ZNF365: variants seen among roughly 807,000 people sequenced by gnomAD.
ZNF365 encodes the protein zinc finger protein 365, also known as protein ZNF365.
ZNF365 carries 22 observed loss-of-function variants against 35.0 expected under a neutral mutation model. The ratio of observed to expected loss-of-function variants is 0.63; its 90% CI spans 0.45 to 0.90. The LOEUF is 0.90. Ranked by LOEUF, ZNF365 falls within the 40% of genes least tolerant of loss-of-function variation. ZNF365 has a pLI of 0.00. For synonymous variants in ZNF365, 188 were observed against 196.2 expected, an observed-to-expected ratio of 0.96 and a Z score of 0.35; for missense variants, 448 against 500.3, an observed-to-expected ratio of 0.90 and a Z score of 1.00.
At chr10:62,429,036 C>A (rs189129466) in intron 3 of ZNF365, among the ~76,000 whole-genome samples, 2 of 152,292 alleles carry the variant, frequency 1.3e-5, no homozygotes, top group Admixed American at 1.3e-4. Context: ...CTGGCTCTAG[C>A]ACACCTCTGA....
intron 4 of ZNF365, among the ~76,000 whole-genome samples, chr10:62,462,541 A>G (rs1250879141): frequency 6.6e-6 from 1 of 152,232 alleles, no homozygotes; most frequent in Admixed American, 6.5e-5. Flanking sequence ...ATGAGATCTA[A>G]GTGGGCCATG....
intron 3 of ZNF365, among the ~76,000 whole-genome samples, chr10:62,413,178 A>T (rs1292600865): frequency 6.6e-6 from 1 of 152,130 alleles, no homozygotes; most frequent in Non-Finnish European, 1.5e-5. Flanking sequence ...TCTGATATAC[A>T]CCAAAGTCGT....
At chr10:62,476,372 G>A (rs182178313) in intron 4 of ZNF365, among the ~76,000 whole-genome samples, 1 of 152,106 alleles carries the variant, frequency 6.6e-6, no homozygotes, top group African/African-American at 2.4e-5. Context: ...TTCCTCCCAG[G>A]TATTAAAAAA....
At chr10:62,450,143 T>G (rs1369658471) in intron 3 of ZNF365, among the ~76,000 whole-genome samples, 1 of 152,126 alleles carries the variant, frequency 6.6e-6, no homozygotes, top group Non-Finnish European at 1.5e-5. Flanking sequence ...GTGGTGATTG[T>G]CTTGTATGAC....
At chr10:62,475,236 C>T (rs1042321495) in intron 4 of ZNF365, among the ~76,000 whole-genome samples, 4 of 152,252 alleles carry the variant, frequency 2.6e-5, no homozygotes, top group South Asian at 2.1e-4. Context: ...GAACAGAAGC[C>T]TTGTAATTGG....
At chr10:62,434,961 C>G (rs865992467) in intron 3 of ZNF365, among the ~76,000 whole-genome samples, 3 of 152,152 alleles carry the variant, frequency 2.0e-5, no homozygotes, top group African/African-American at 7.2e-5. Flanking sequence ...GTTTCAGACC[C>G]TCTGGATACA....
chr10:62,459,905 T>C, intron 4 of ZNF365: 1 of 957,364 alleles, frequency 1.0e-6, no homozygotes, highest in South Asian at 1.5e-5. Context: ...CATTGGTTTC[T>C]GTATGAAAAC....
At chr10:62,454,799 C>T (rs1437842049) in intron 3 of ZNF365, among the ~76,000 whole-genome samples, 1 of 152,188 alleles carries the variant, frequency 6.6e-6, no homozygotes, top group Non-Finnish European at 1.5e-5. Flanking sequence ...ATGCCACACC[C>T]TCAAGGAGCG....
At chr10:62,418,316 G>A (rs2132445469) in intron 3 of ZNF365, among the ~76,000 whole-genome samples, 1 of 151,972 alleles carries the variant, frequency 6.6e-6, no homozygotes, top group South Asian at 2.1e-4. Context: ...TTAGACGCAG[G>A]GGCTTATTTA....
At chr10:62,476,535 T>A (rs1042304428) in intron 4 of ZNF365, among the ~76,000 whole-genome samples, 3 of 152,222 alleles carry the variant, frequency 2.0e-5, no homozygotes, top group Admixed American at 2.0e-4. Flanking sequence ...CTAACTAAGG[T>A]CATATTTAAG....
chr10:62,470,862 T>C (rs1006497302), intron 4 of ZNF365, among the ~76,000 whole-genome samples: 1 of 152,164 alleles, frequency 6.6e-6, no homozygotes, highest in Admixed American at 6.5e-5. Context: ...TGTTTTTTAA[T>C]GTGTTGCAAA....
intron 4 of ZNF365, among the ~76,000 whole-genome samples, chr10:62,461,387 T>C (rs1840844773): frequency 6.6e-6 from 1 of 152,146 alleles, no homozygotes; most frequent in Non-Finnish European, 1.5e-5. Context: ...GTTTCACAGG[T>C]TGAGCTCCTG....
chr10:62,440,308 T>C (rs1840478029), intron 3 of ZNF365, among the ~76,000 whole-genome samples: 1 of 65,500 alleles, frequency 1.5e-5, no homozygotes, highest in Non-Finnish European at 2.7e-5. Flanking sequence ...TGTTACTGGG[T>C]CACGGGATGG....
chr10:62,431,646 C>T (rs1840336633), intron 3 of ZNF365, among the ~76,000 whole-genome samples: 1 of 152,056 alleles, frequency 6.6e-6, no homozygotes, highest in Admixed American at 6.6e-5. Flanking sequence ...TATGATGAGC[C>T]TCTAGGCAAA....
intron 3 of ZNF365, among the ~76,000 whole-genome samples, chr10:62,398,274 G>A (rs1265015181): frequency 2.0e-5 from 3 of 152,138 alleles, no homozygotes; most frequent in African/African-American, 7.2e-5. Context: ...GCCATAAAAT[G>A]GAATGAAATA....
At chr10:62,462,085 G>A (rs1438635813) in intron 4 of ZNF365, among the ~76,000 whole-genome samples, 1 of 152,092 alleles carries the variant, frequency 6.6e-6, no homozygotes, top group South Asian at 2.1e-4. Flanking sequence ...ATGCATCGGA[G>A]TACTTTGTAT....
At chr10:62,465,505 G>A (rs573335801) in intron 4 of ZNF365, among the ~76,000 whole-genome samples, 1 of 152,318 alleles carries the variant, frequency 6.6e-6, no homozygotes, top group South Asian at 2.1e-4. Flanking sequence ...TGGAGTCCAT[G>A]ACCCAGAGTG....
At chr10:62,398,715 T>C (rs1839771951) in intron 3 of ZNF365, 25 bp from the exon 4 acceptor site, 2 of 1,607,398 alleles carry the variant, frequency 1.2e-6, no homozygotes, top group Non-Finnish European at 1.7e-6. Context: ...GCAGTTAACA[T>C]TTTTTCTTAT....
intron 3 of ZNF365, among the ~76,000 whole-genome samples, chr10:62,456,652 G>T (rs887903345): frequency 1.3e-5 from 2 of 152,216 alleles, no homozygotes; most frequent in Non-Finnish European, 2.9e-5. Flanking sequence ...AGCGGGACTC[G>T]ATTTCAGCTC....
Sources: gnomAD v4.1 joint callset for allele counts (sites outside exome capture counted in the v4.1 genomes callset) on GRCh38, gnomAD v4.1.1 for gene constraint, MANE v1.5 for transcripts, NCBI Gene and HGNC (gene_info 2026-07-23, HGNC 2026-07-21) for gene names.